Variants in CACNA1C observed in about 807,000 individuals in gnomAD.
CACNA1C encodes voltage-dependent L-type calcium channel subunit alpha-1C.
In CACNA1C, 30 loss-of-function variants were observed where a neutral mutation model predicts 229.0. The ratio of observed to expected loss-of-function variants is 0.13; its 90% CI spans 0.10 to 0.18. CACNA1C has a LOEUF of 0.18. Among genes scored for constraint, CACNA1C ranks in the 10% least tolerant of loss-of-function variants. The pLI, the probability that CACNA1C is intolerant of heterozygous loss-of-function variation, is 1.00. For synonymous variants in CACNA1C, 1,114 were observed against 1,132.5 expected (o/e 0.98, Z 0.33); for missense variants, 1,658 against 2,845.0 (o/e 0.58, Z 9.49).
intron 34 of CACNA1C, among the ~76,000 whole-genome samples, chr12:2,655,746 T>C (rs970198851): frequency 2.0e-5 from 3 of 152,204 alleles, no homozygotes; most frequent in African/African-American, 4.8e-5. Context: ...AGAAAGATGA[T>C]ACATCATGAT....
At chr12:2,267,368 T>C (rs187857573) in intron 3 of CACNA1C, among the ~76,000 whole-genome samples, 44 of 152,288 alleles carry the variant, frequency 2.9e-4, no homozygotes, top group Non-Finnish European at 5.6e-4. Flanking sequence ...TTAAGTGCTG[T>C]GCCCTAGATC....
At chr12:2,445,588 C>T (rs1358235808) in intron 3 of CACNA1C, among the ~76,000 whole-genome samples, 1 of 152,128 alleles carries the variant, frequency 6.6e-6, no homozygotes, top group African/African-American at 2.4e-5. Flanking sequence ...TCACATCCCC[C>T]AACCCTTCCA....
At chr12:2,457,126 A>G (rs977783848) in intron 4 of CACNA1C, among the ~76,000 whole-genome samples, 5 of 152,202 alleles carry the variant, frequency 3.3e-5, no homozygotes, top group Non-Finnish European at 7.3e-5. Flanking sequence ...GCCAGGAACA[A>G]GTCAAAGAGG....
chr12:2,037,380 G>A (rs2049330659), intron 1 of CACNA1C, among the ~76,000 whole-genome samples: 1 of 152,194 alleles, frequency 6.6e-6, no homozygotes, highest in Non-Finnish European at 1.5e-5. Flanking sequence ...ATCAAACACT[G>A]CATTGGGCTC....
At chr12:2,278,668 A>G (rs184081334) in intron 3 of CACNA1C, among the ~76,000 whole-genome samples, 7 of 152,358 alleles carry the variant, frequency 4.6e-5, no homozygotes, top group African/African-American at 1.4e-4. Flanking sequence ...GTTTTGAGCT[A>G]TTTAAATAAA....
intron 1 of CACNA1C, among the ~76,000 whole-genome samples, chr12:2,006,171 A>T (rs1182920308): frequency 6.6e-6 from 1 of 152,198 alleles, no homozygotes; most frequent in Non-Finnish European, 1.5e-5. Flanking sequence ...GCACTTTGGG[A>T]GGCTGAGGCG....
intron 30 of CACNA1C, among the ~76,000 whole-genome samples, chr12:2,641,970 T>G (rs2093758195): frequency 6.6e-6 from 1 of 151,844 alleles, no homozygotes; most frequent in African/African-American, 2.4e-5. Flanking sequence ...GATCTCAAGG[T>G]CTAGGGCGAG....
chr12:2,600,336 G>A (rs1033726606), intron 21 of CACNA1C, among the ~76,000 whole-genome samples: 1 of 152,206 alleles, frequency 6.6e-6, no homozygotes, highest in Admixed American at 6.5e-5. Context: ...GAGTCCTTTG[G>A]GACCCCCTGC....
chr12:2,585,579 G>A lies in CACNA1C; in HGVS notation c.2460+83G>A. On this transcript the variant is annotated intron_variant, in intron 17 of 46. Transcript: ENST00000399655. The surrounding 1 kb of genome is among the most constrained non-coding windows in gnomAD (Gnocchi z 4.1). ...AGCCTTCCCAGGCCAGAACCCTGTG[G>A]AGAAGAGGAGAGAAAGAAAGACACC... is the stretch of plus-strand genomic sequence containing the variant. The A allele has an allele frequency of 2.1e-6, 3 of 1,419,772 alleles. No individual in the cohort carries two copies. The South Asian group carries it at 4.4e-5, about 21-fold the overall frequency. The allele number at this position is 1,419,772 out of a possible 1,614,324, so 87.9% of individuals were successfully genotyped here.
At position 2,588,444 on chromosome 12, in the gene CACNA1C, G is replaced by A. The variant is rs925730393; in HGVS notation, c.2530+2540G>A. On this transcript the variant is annotated intron_variant, in intron 18 of 46. Transcript: ENST00000399655. ...GTCTCTCTCTTGCCCTGTCTCCTAG[G>A]CTTGCCCCCTGCCCTCTCCCTCTCT... Among the ~76,000 whole-genome samples, 6 of 152,190 alleles carry A rather than the reference G, an allele frequency of 3.9e-5. No homozygotes were observed. In the South Asian group the frequency reaches 6.2e-4, roughly 16 times the overall value.
At chr12:2,140,344 T>C (rs972454629) in intron 3 of CACNA1C, among the ~76,000 whole-genome samples, 5 of 151,354 alleles carry the variant, frequency 3.3e-5, no homozygotes, top group Non-Finnish European at 5.9e-5. Context: ...TCACTTTTGG[T>C]TTGGTGTCTG....
chr12:2,663,320 A>T (rs2095861031), intron 34 of CACNA1C, among the ~76,000 whole-genome samples: 1 of 152,238 alleles, frequency 6.6e-6, no homozygotes, highest in African/African-American at 2.4e-5. Flanking sequence ...ATAAAAAATA[A>T]TAGATGTTGG....
At chr12:2,116,719 T>C (rs571920990) in intron 2 of CACNA1C, among the ~76,000 whole-genome samples, 84 of 152,096 alleles carry the variant, frequency 5.5e-4, no homozygotes, top group South Asian at 1.7e-3. Context: ...CCACGAGTGA[T>C]GAAATTGAGC....
At chr12:2,640,892 A>G (rs2093612035) in intron 30 of CACNA1C, among the ~76,000 whole-genome samples, 1 of 151,640 alleles carries the variant, frequency 6.6e-6, no homozygotes, top group African/African-American at 2.4e-5. Flanking sequence ...CTGCACGTCC[A>G]CCCCCTCAGG....
At position 1,987,422 on chromosome 12, in the gene CACNA1C, T is replaced by C. The variant is rs1025118106; in HGVS notation, c.139+16221T>C. On this transcript the variant is annotated intron_variant, in intron 1 of 46. Coordinates refer to the CACNA1C transcript ENST00000682462. ...GTATTTTGATATCCAATTATATTTT[T>C]GGTTTTTATTTCCATAAAAATAATA... 7.2e-5 allele frequency among the ~76,000 whole-genome samples: 11 copies of C among 152,258 alleles called. 1 individual carries two copies. Among genetic ancestry groups the C allele is most frequent in the Admixed American group, 3.9e-4 (6 of 15,292 alleles).
chr12:2,221,680 T>C (rs1043474352), intron 3 of CACNA1C: 1 of 152,232 alleles, frequency 6.6e-6, no homozygotes, highest in Non-Finnish European at 1.5e-5. Context: ...GTTCAGCAAG[T>C]CCATAGGATT....
At chr12:2,203,056 T>C (rs1009851414) in intron 3 of CACNA1C, among the ~76,000 whole-genome samples, 2 of 152,198 alleles carry the variant, frequency 1.3e-5, no homozygotes, top group South Asian at 4.1e-4. Flanking sequence ...TAAAGTTCTC[T>C]GGGGAATTTA....
chr12:2,597,604 C>T lies in CACNA1C; in HGVS notation c.2853+315C>T, dbSNP rs750236801. 4 of 817,200 alleles carry T rather than the reference C, an allele frequency of 4.9e-6. No individual in the cohort carries two copies. Among genetic ancestry groups the T allele is most frequent in the Non-Finnish European group, 8.2e-6 (4 of 487,010 alleles). 50.6% of individuals were successfully genotyped at this position (817,200 alleles called of 1,614,324 possible). ...TTTCTTTCACTCTCTCTTTTCTTTA[C>T]TCCCAAGCCTGAAATTGGAAAAATG... On this transcript the variant is annotated intron_variant, in intron 21 of 46. Transcript: ENST00000399655. This position sits in a 1 kb window ranked among gnomAD's most constrained non-coding sequence, Gnocchi z 4.3.
At chr12:2,366,243 G>A (rs951583859) in intron 3 of CACNA1C, among the ~76,000 whole-genome samples, 4 of 152,160 alleles carry the variant, frequency 2.6e-5, no homozygotes, top group African/African-American at 9.7e-5. Context: ...TCACTGAACA[G>A]GTGTGATTTC....
Sources: gnomAD v4.1 joint callset for allele counts (sites outside exome capture counted in the v4.1 genomes callset) on GRCh38, gnomAD v4.1.1 for gene constraint, Gnocchi (gnomAD v3.1) non-coding constraint, MANE v1.5 for transcripts, NCBI Gene and HGNC (gene_info 2026-07-23, HGNC 2026-07-21) for gene names.